The following OVCH2 variants were observed in gnomAD, a reference collection of about 807,000 sequenced individuals.
The protein encoded by OVCH2 is ovochymase 2, also known as ovochymase-2.
OVCH2 carries 88 observed loss-of-function variants against 73.7 expected under a neutral mutation model. The observed-to-expected ratio is 1.19, with a 90% confidence interval of 1.01 to 1.43. The LOEUF (loss-of-function observed/expected upper bound fraction) is 1.43. Among genes scored for constraint, OVCH2 ranks in the 40% most tolerant of loss-of-function variants. The pLI is 0.00. For missense variants in OVCH2, 706 were observed against 674.5 expected (o/e 1.05, Z -0.52); for synonymous variants, 265 against 234.5 (o/e 1.13, Z -1.19).
intron 1 of OVCH2, 87 bp downstream of exon 1, chr11:7,706,220 C>T (rs1856527251): frequency 7.6e-7 from 1 of 1,323,084 alleles, no homozygotes; most frequent in Non-Finnish European, 1.0e-6. Context: ...CCTATTTTCC[C>T]AAAGGAACAT....
At chr11:7,692,881 A>G (rs1856247949) in intron 12 of OVCH2, among the ~76,000 whole-genome samples, 1 of 152,214 alleles carries the variant, frequency 6.6e-6, no homozygotes, top group Admixed American at 6.5e-5. Context: ...GCAGCATAAT[A>G]TTTCATTTAT....
At chr11:7,687,308 A>AAATAATAAT (rs71059120), downstream of OVCH2, among the ~76,000 whole-genome samples, 48 of 132,512 alleles carry the variant, frequency 3.6e-4, no homozygotes, top group Non-Finnish European at 3.8e-4. Flanking sequence ...ATGGCTGTGG[A>AAATAATAAT]AATAATAATA....
At chr11:7,700,173 C>T (rs1856407680) in intron 7 of OVCH2, 123 bp downstream of exon 7, 2 of 917,506 alleles carry the variant, frequency 2.2e-6, no homozygotes, top group Non-Finnish European at 3.3e-6. Flanking sequence ...TCCTTGTGTG[C>T]TACACTGAGA....
At chr11:7,701,569 T>G in intron 5 of OVCH2, 94 bp from the exon 6 acceptor site, 1 of 1,506,872 alleles carries the variant, frequency 6.6e-7, no homozygotes, top group South Asian at 1.3e-5. Flanking sequence ...TTGGCAAGAC[T>G]TGAATTTCTA....
chr11:7,689,830 G>C (rs1296032282), intron 15 of OVCH2, 94 bp downstream of exon 15: 1 of 772,552 alleles, frequency 1.3e-6, no homozygotes, highest in Non-Finnish European at 2.2e-6. Context: ...AGTATATTTT[G>C]GAGGAAGATG....
At chr11:7,683,099 C>T in the OVCH2 span, among the ~76,000 whole-genome samples, 929 of 152,306 alleles carry the variant, frequency 6.1e-3, 11 homozygotes, top group African/African-American at 0.021. Context: ...GTCCTGCATC[C>T]TGGGTTCATA....
In OVCH2 at chr11:7,691,355, G is replaced by C; in HGVS notation, c.1553C>G (p.Ser518Cys). 2 of 1,613,884 alleles carry C rather than the reference G, an allele frequency of 1.2e-6. No individual in the cohort carries two copies. The highest frequency in any genetic ancestry group is 2.2e-5 in the South Asian group (2 of 91,070). The change falls in exon 14 of 16, where the codon TCC becomes TGC. Residue 518 changes from serine (S) to cysteine (C), a missense_variant. Ser to Cys is a moderately radical substitution (Grantham distance 112). Transcript: ENST00000533663. ...YDVPTPVLSP[S>C]SIMLISFQSD... Reference sequence around the variant, plus strand: ...TTGGAAGCTGATGAGCATGATGCTGGAGGGGCTCAGCACAGGGGTGGGGAC... The same window carrying C: ...TTGGAAGCTGATGAGCATGATGCTGCAGGGGCTCAGCACAGGGGTGGGGAC...
chr11:7,689,810 T>C (rs1856184772), intron 15 of OVCH2, 114 bp downstream of exon 15: 1 of 721,440 alleles, frequency 1.4e-6, no homozygotes, highest in African/African-American at 1.7e-5. Flanking sequence ...GTACTGGAGG[T>C]TAGGACTCTA....
chr11:7,683,445 C>T, the OVCH2 span, among the ~76,000 whole-genome samples: 1 of 152,164 alleles, frequency 6.6e-6, no homozygotes, highest in Admixed American at 6.5e-5. Flanking sequence ...TTACCACTTC[C>T]ACTGCTAGCA....
At chr11:7,684,854 G>A (rs1390516574), downstream of OVCH2, among the ~76,000 whole-genome samples, 3 of 152,128 alleles carry the variant, frequency 2.0e-5, no homozygotes, top group African/African-American at 7.2e-5. Flanking sequence ...AGTCTGGGAA[G>A]ACAATGAAAT....
chr11:7,698,906 A>G (rs757849672), intron 7 of OVCH2, 133 bp from the exon 8 acceptor site: 2 of 878,076 alleles, frequency 2.3e-6, no homozygotes, highest in Non-Finnish European at 3.5e-6. Flanking sequence ...ATCTGTGGAA[A>G]GAAGGGAAGG....
chr11:7,686,655 A>G (rs1461485497), downstream of OVCH2, among the ~76,000 whole-genome samples: 1 of 152,236 alleles, frequency 6.6e-6, no homozygotes, highest in African/African-American at 2.4e-5. Context: ...GCAGGAAGAA[A>G]GGAAATCAAA....
At chr11:7,686,861 T>C (rs938139890), downstream of OVCH2, among the ~76,000 whole-genome samples, 1 of 152,208 alleles carries the variant, frequency 6.6e-6, no homozygotes, top group African/African-American at 2.4e-5. Flanking sequence ...ACCCAGAGGC[T>C]GTTTCATCAA....
chr11:7,690,064 T>A lies in OVCH2; in HGVS notation c.1640-51A>T, dbSNP rs780540767. 3.4e-5 allele frequency: 43 copies of A among 1,272,086 alleles called. No individual in the cohort carries two copies. The Middle Eastern group carries it at 5.5e-4, about 16-fold the overall frequency. 78.8% of individuals were successfully genotyped at this position (1,272,086 alleles called of 1,614,324 possible). A position where few individuals can be genotyped will look rare whatever the true frequency, so the allele number is the denominator to read the frequency against. Reference sequence around the variant, plus strand: ...TCAGTTTCCACAAAGACAGCCAGGGTTGGAGATTTATCAGAAAATGATTTA... The same window carrying A: ...TCAGTTTCCACAAAGACAGCCAGGGATGGAGATTTATCAGAAAATGATTTA... On this transcript the variant is annotated intron_variant, in intron 14 of 15. Coordinates refer to ENST00000533663, the MANE Select transcript of OVCH2 (RefSeq NM_198185.7).
At chr11:7,682,792 C>T in the OVCH2 span, among the ~76,000 whole-genome samples, 3 of 152,178 alleles carry the variant, frequency 2.0e-5, no homozygotes, top group African/African-American at 7.2e-5. Flanking sequence ...TCTTGACTTC[C>T]TTATCCCCAT....
In OVCH2 at chr11:7,700,383, T is replaced by C. The variant is rs745689531; in HGVS notation, c.814A>G (p.Asn272Asp). 2.5e-6 allele frequency: 4 copies of C among 1,613,566 alleles called. No individual in the cohort carries two copies. The highest frequency in any genetic ancestry group is 3.4e-6 in the Non-Finnish European group (4 of 1,179,758). Residue 272 changes from asparagine (N) to aspartate (D), a missense_variant, in exon 7 of 16, where the codon AAT becomes GAT. Coordinates refer to ENST00000533663, the MANE Select transcript of OVCH2 (RefSeq NM_198185.7). ...GLGCGRGWRN[N>D]VRKSDQGSPG... ...GATCCTTGATCACTTTTCCTCACAT[T>C]GTTTCTCCAGCCTCGACCACAGCCC...
chr11:7,703,046 C>T (rs1260790244), intron 3 of OVCH2, among the ~76,000 whole-genome samples: 3 of 152,202 alleles, frequency 2.0e-5, no homozygotes, highest in African/African-American at 4.8e-5. Context: ...AGAGTCAACT[C>T]TCTGGGGGCA....
chr11:7,695,516 C>T, intron 11 of OVCH2, 54 bp downstream of exon 11: 1 of 1,529,104 alleles, frequency 6.5e-7, no homozygotes, highest in African/African-American at 1.4e-5. Context: ...CCTATGGGGC[C>T]TAAGCTTCTA....
intron 9 of OVCH2, 26 bp from the exon 10 acceptor site, chr11:7,696,615 T>C: frequency 6.2e-7 from 1 of 1,613,910 alleles, no homozygotes; most frequent in Non-Finnish European, 8.5e-7. Context: ...GGAGAGGGCG[T>C]TATTTCTAGA....
Sources: gnomAD v4.1 joint callset for allele counts (sites outside exome capture counted in the v4.1 genomes callset) on GRCh38, gnomAD v4.1.1 for gene constraint, MANE v1.5 for transcripts, NCBI Gene and HGNC (gene_info 2026-07-23, HGNC 2026-07-21) for gene names.